The following ZFX variants were observed in gnomAD, a reference collection of about 807,000 sequenced individuals.
ZFX encodes the protein zinc finger protein X-linked, also known as zinc finger X-chromosomal protein.
For synonymous variants in ZFX, 196 were observed against 226.8 expected, an observed-to-expected ratio of 0.86 and a Z score of 1.22; for missense variants, 362 against 628.3, an observed-to-expected ratio of 0.58 and a Z score of 4.53.
At chrX:24,205,230 G>T (rs757538785) in intron 5 of ZFX, among the ~76,000 whole-genome samples, 24 of 112,165 alleles carry the variant, frequency 2.1e-4, no homozygotes, top group South Asian at 3.7e-4. Context: ...ATGTCAGATA[G>T]GCCAGCTGGG....
chrX:24,194,229 G>A (rs1442598277), intron 5 of ZFX, among the ~76,000 whole-genome samples: 1 of 111,543 alleles, frequency 9.0e-6, no homozygotes, highest in African/African-American at 3.3e-5. Flanking sequence ...TTTTAAAGCA[G>A]TAATCCTTTG....
At chrX:24,171,904 AGG>A (rs1491386191) in intron 3 of ZFX, among the ~76,000 whole-genome samples, 7,407 of 97,222 alleles carry the variant, frequency 0.076, 553 homozygotes, top group African/African-American at 0.25. Context: ...CAGAGAGAGA[AGG>A]AGAGAGAGAG....
At chrX:24,154,822 C>T (rs1208313090) in intron 3 of ZFX, among the ~76,000 whole-genome samples, 2 of 111,510 alleles carry the variant, frequency 1.8e-5, no homozygotes, top group African/African-American at 6.5e-5. Flanking sequence ...AGAACGAGGT[C>T]GTGTCTTTTG....
chrX:24,187,070 G>A (rs1443834834), intron 5 of ZFX, among the ~76,000 whole-genome samples: 3 of 111,774 alleles, frequency 2.7e-5, no homozygotes, highest in Non-Finnish European at 5.6e-5. Context: ...TGATATCTAT[G>A]TGCCGGAATT....
At chrX:24,161,203 A>G (rs954533240) in intron 3 of ZFX, among the ~76,000 whole-genome samples, 1 of 112,334 alleles carries the variant, frequency 8.9e-6, no homozygotes, top group African/African-American at 3.2e-5. Flanking sequence ...TAAAAACCTT[A>G]CTAAGAGAAA....
rs779745829 is a variant in ZFX, at chrX:24,215,915, C to T, written c.*4539C>T. On this transcript the variant is annotated 3_prime_UTR_variant, in exon 10 of 10. Coordinates refer to ENST00000304543, the MANE Select transcript of ZFX (RefSeq NM_003410.4). ...TAAATCATAACCATTTTGCCACATTCTGTAACTGTTTAGCTAAGGTCAAAT... is the reference window on the plus strand; with the variant it reads ...TAAATCATAACCATTTTGCCACATTTTGTAACTGTTTAGCTAAGGTCAAAT... The T allele has an allele frequency of 3.6e-5, 4 of 111,041 alleles. No homozygotes were observed. The highest frequency in any genetic ancestry group is 1.3e-4 in the African/African-American group (4 of 30,460). 9.2% of individuals were successfully genotyped at this position (111,041 alleles called of 1,213,427 possible).
chrX:24,160,298 C>CT (rs397966885), intron 3 of ZFX, among the ~76,000 whole-genome samples: 33,427 of 83,992 alleles, frequency 0.4, 6,317 homozygotes, highest in African/African-American at 0.51. Context: ...AATTGAAATG[C>CT]TTTTTTTTTT....
chrX:24,211,509 GTTGAC>G lies in ZFX; in HGVS notation c.*136_*140del. 2 of 821,075 alleles carry G rather than the reference GTTGAC, an allele frequency of 2.4e-6. No individual in the cohort carries two copies. The highest frequency in any genetic ancestry group is 3.4e-6 in the Non-Finnish European group (2 of 590,705). The allele number at this position is 821,075 out of a possible 1,213,427, so 67.7% of individuals were successfully genotyped here. A position where few individuals can be genotyped will look rare whatever the true frequency, so the allele number is the denominator to read the frequency against. On this transcript the variant is annotated 3_prime_UTR_variant, in exon 10 of 10. Transcript: ENST00000304543. Reference sequence around the variant, plus strand: ...TGTACAAATAGAATTATTACTTCTAGTTGACTTTTTTTTAAATATACATTTTGCTC... The same window carrying G: ...TGTACAAATAGAATTATTACTTCTAGTTTTTTTTAAATATACATTTTGCTC...
intron 5 of ZFX, among the ~76,000 whole-genome samples, chrX:24,201,021 C>T (rs1179079042): frequency 8.9e-6 from 1 of 112,208 alleles, no homozygotes; most frequent in African/African-American, 3.2e-5. Flanking sequence ...GGAGAAGGCA[C>T]TTATGCAGGA....
chrX:24,181,605 C>CTATT (rs1186278213), intron 5 of ZFX, among the ~76,000 whole-genome samples: 2 of 111,867 alleles, frequency 1.8e-5, no homozygotes, highest in Non-Finnish European at 3.8e-5. Context: ...TGTGTACGTT[C>CTATT]TATTTTATTC....
At chrX:24,183,237 T>C (rs1935822339) in intron 5 of ZFX, among the ~76,000 whole-genome samples, 1 of 111,851 alleles carries the variant, frequency 8.9e-6, no homozygotes, top group African/African-American at 3.2e-5. Context: ...CAGGCTGGAG[T>C]GCAATGGCGC....
rs1569173408 is a variant in ZFX at position 24,210,989 on chromosome X, C to T, written c.2031C>T (p.Leu677=). The change falls in exon 10 of 10, where the codon CTC becomes CTT. Residue 677 remains leucine, a synonymous_variant. Coordinates refer to ENST00000304543, the MANE Select transcript of ZFX (RefSeq NM_003410.4). ...CDKGFHRPSE[L]KKHVAAHKGK... ...AAGGCTTTCACAGGCCTTCAGAACTCAAGAAACACGTGGCTGCCCACAAGG... is the reference window on the plus strand; with the variant it reads ...AAGGCTTTCACAGGCCTTCAGAACTTAAGAAACACGTGGCTGCCCACAAGG... 8.3e-7 allele frequency: 1 copy of T among 1,211,977 alleles called. No individual in the cohort carries two copies. The highest frequency in any genetic ancestry group is 3.0e-5 in the East Asian group (1 of 33,854).
chrX:24,156,803 C>T (rs918477131), intron 3 of ZFX, among the ~76,000 whole-genome samples: 6 of 109,836 alleles, frequency 5.5e-5, no homozygotes, highest in Admixed American at 9.8e-5. Context: ...TACAGGCGCC[C>T]GCAACCACGC....
intron 3 of ZFX, 140 bp from the exon 4 acceptor site, chrX:24,172,575 T>C (rs911631229): frequency 2.5e-5 from 10 of 402,979 alleles, no homozygotes; most frequent in African/African-American, 1.8e-4. Flanking sequence ...AAGTTCTATT[T>C]TACTTTAGAT....
rs1472507294 is a variant in ZFX at position 24,214,819 on chromosome X, A to C, written c.*3443A>C. On this transcript the variant is annotated 3_prime_UTR_variant, in exon 10 of 10. Transcript: ENST00000304543. ...AAAGTTCATTTCAGTATTAATTTACAGCATATTTAATCAGTGGGGACTGTT... is the reference window on the plus strand; with the variant it reads ...AAAGTTCATTTCAGTATTAATTTACCGCATATTTAATCAGTGGGGACTGTT... 9.8e-5 allele frequency: 11 copies of C among 112,087 alleles called. No homozygotes were observed. The Admixed American group carries it at 1.0e-3, about 11-fold the overall frequency. The allele number at this position is 112,087 out of a possible 1,213,427, so 9.2% of individuals were successfully genotyped here. A position where few individuals can be genotyped will look rare whatever the true frequency, so the allele number is the denominator to read the frequency against.
intron 4 of ZFX, chrX:24,177,856 G>A: frequency 4.0e-6 from 3 of 751,109 alleles, no homozygotes; most frequent in Non-Finnish European, 4.7e-6. Flanking sequence ...AGAGGGAGGT[G>A]GAGCAAAAAG....
At chrX:24,181,915 T>C (rs985609898) in intron 5 of ZFX, among the ~76,000 whole-genome samples, 5 of 111,902 alleles carry the variant, frequency 4.5e-5, no homozygotes, top group African/African-American at 1.6e-4. Context: ...TTAGTGGCAG[T>C]GAACTGTTGA....
At chrX:24,158,411 C>T (rs1932922762) in intron 3 of ZFX, among the ~76,000 whole-genome samples, 1 of 111,414 alleles carries the variant, frequency 9.0e-6, no homozygotes, top group African/African-American at 3.3e-5. Context: ...ATATAGTTTT[C>T]ATGTCTGTGA....
intron 3 of ZFX, among the ~76,000 whole-genome samples, chrX:24,162,223 TGTC>T (rs1933420480): frequency 9.0e-6 from 1 of 111,273 alleles, no homozygotes; most frequent in African/African-American, 3.3e-5. Flanking sequence ...AGTGAAACTC[TGTC>T]TCAAAAAACA....
Sources: gnomAD v4.1 joint callset for allele counts (sites outside exome capture counted in the v4.1 genomes callset) on GRCh38, gnomAD v4.1.1 for gene constraint, MANE v1.5 for transcripts, NCBI Gene and HGNC (gene_info 2026-07-23, HGNC 2026-07-21) for gene names.